Variants in RPF2 observed in about 807,000 individuals in gnomAD.
The protein encoded by RPF2 is brix domain containing 1.
In RPF2, 21 loss-of-function variants were observed where a neutral mutation model predicts 38.9. The observed-to-expected ratio is 0.54, with a 90% confidence interval of 0.38 to 0.78. RPF2 has a LOEUF of 0.78. RPF2 is among the 30% of genes least tolerant of loss of function. RPF2 has a pLI of 0.00. For synonymous variants in RPF2, 121 were observed against 126.2 expected (o/e 0.96, Z 0.28); for missense variants, 314 against 358.1 (o/e 0.88, Z 0.99).
chr6:110,992,555 G>A (rs1197275800), intron 4 of RPF2, among the ~76,000 whole-genome samples: 1 of 151,578 alleles, frequency 6.6e-6, no homozygotes, highest in Non-Finnish European at 1.5e-5. Flanking sequence ...TGGGACTACA[G>A]GTGTACACCA....
intron 3 of RPF2, among the ~76,000 whole-genome samples, chr6:110,989,279 G>A (rs1023646305): frequency 3.3e-5 from 5 of 151,554 alleles, no homozygotes; most frequent in Admixed American, 3.3e-4. Flanking sequence ...ATTTTATTTT[G>A]AAATACAGAT....
intron 4 of RPF2, among the ~76,000 whole-genome samples, chr6:110,994,950 GCT>G (rs1257894676): frequency 1.2e-4 from 18 of 152,058 alleles, no homozygotes; most frequent in Non-Finnish European, 7.4e-5. Context: ...TGTCACCCAG[GCT>G]TGAGTGCTAT....
intron 4 of RPF2, among the ~76,000 whole-genome samples, chr6:110,993,354 A>T (rs9386974): frequency 0.59 from 89,032 of 151,942 alleles, 28,081 homozygotes; most frequent in East Asian, 0.88. Context: ...TCTCAATGAT[A>T]AATTAGATTA....
intron 6 of RPF2, among the ~76,000 whole-genome samples, chr6:111,007,340 A>G (rs1418974224): frequency 6.6e-6 from 1 of 152,168 alleles, no homozygotes; most frequent in Non-Finnish European, 1.5e-5. Flanking sequence ...AAAGCCCTTT[A>G]CATCATTCTT....
intron 1 of RPF2, among the ~76,000 whole-genome samples, chr6:110,983,822 G>T (rs1339155098): frequency 6.6e-6 from 1 of 151,898 alleles, no homozygotes. Context: ...GAGGTCAGGA[G>T]ATCGAGACCA....
chr6:110,999,386 G>GA (rs1771774622), intron 5 of RPF2, among the ~76,000 whole-genome samples: 2 of 152,136 alleles, frequency 1.3e-5, no homozygotes, highest in South Asian at 4.1e-4. Context: ...AAATAGATTT[G>GA]AAAAAGAACC....
At chr6:110,989,109 C>A in intron 3 of RPF2, 44 bp downstream of exon 3, 2 of 1,471,130 alleles carry the variant, frequency 1.4e-6, no homozygotes, top group South Asian at 2.9e-5. Flanking sequence ...GATTTTGTTT[C>A]ATTATAAAAG....
intron 1 of RPF2, 95 bp downstream of exon 1, chr6:110,982,224 C>G: frequency 7.2e-7 from 1 of 1,398,552 alleles, no homozygotes; most frequent in Non-Finnish European, 1.0e-6. Context: ...TTCCTGGTTA[C>G]CCCTCTAATT....
chr6:111,008,456 G>A (rs1583269796), intron 7 of RPF2, among the ~76,000 whole-genome samples: 1 of 151,592 alleles, frequency 6.6e-6, no homozygotes, highest in Non-Finnish European at 1.5e-5. Flanking sequence ...TAAGTATCTC[G>A]GGAGAGTTAA....
chr6:110,983,133 T>C (rs1039356254), intron 1 of RPF2, among the ~76,000 whole-genome samples: 3 of 152,108 alleles, frequency 2.0e-5, no homozygotes, highest in African/African-American at 7.2e-5. Flanking sequence ...CATAATTATT[T>C]GGGAGGAAGA....
chr6:110,991,112 C>T (rs1048408721), intron 3 of RPF2, among the ~76,000 whole-genome samples: 1 of 152,062 alleles, frequency 6.6e-6, no homozygotes, highest in African/African-American at 2.4e-5. Context: ...TTGCATATAA[C>T]CCACACACTT....
At chr6:110,994,199 C>T (rs184434431) in intron 4 of RPF2, among the ~76,000 whole-genome samples, 3 of 151,898 alleles carry the variant, frequency 2.0e-5, no homozygotes, top group African/African-American at 4.8e-5. Context: ...CACTTGAACC[C>T]GGGAGGTGGA....
At chr6:111,014,385 GC>G (rs1419883639) in intron 7 of RPF2, among the ~76,000 whole-genome samples, 1 of 152,078 alleles carries the variant, frequency 6.6e-6, no homozygotes. Flanking sequence ...GCTCGCCTCG[GC>G]CTCCCAAAGT....
chr6:111,015,729 T>C, intron 7 of RPF2, 25 bp from the exon 8 acceptor site: 1 of 1,468,738 alleles, frequency 6.8e-7, no homozygotes. Flanking sequence ...TTTTGTTTTG[T>C]TAATAATTTA....
At chr6:110,990,498 C>T (rs1168269392) in intron 3 of RPF2, among the ~76,000 whole-genome samples, 1 of 147,670 alleles carries the variant, frequency 6.8e-6, no homozygotes, top group African/African-American at 2.5e-5. Flanking sequence ...ATATATTCTT[C>T]TGGATTATAA....
intron 7 of RPF2, among the ~76,000 whole-genome samples, chr6:111,014,467 A>C (rs1772073181): frequency 6.6e-6 from 1 of 152,138 alleles, no homozygotes; most frequent in African/African-American, 2.4e-5. Flanking sequence ...AGAAAGGAAA[A>C]GCAGACAACA....
intron 3 of RPF2, among the ~76,000 whole-genome samples, chr6:110,990,005 C>T (rs1480710077): frequency 6.6e-6 from 1 of 150,928 alleles, no homozygotes; most frequent in Non-Finnish European, 1.5e-5. Flanking sequence ...GTGGCATGAT[C>T]TAAGGTCACT....
At chr6:110,989,380 GATCAAAACTAATAA>G (rs1359218210) in intron 3 of RPF2, among the ~76,000 whole-genome samples, 1 of 152,138 alleles carries the variant, frequency 6.6e-6, no homozygotes, top group African/African-American at 2.4e-5. Flanking sequence ...GTAATGCAAT[GATCAAAACTAATAA>G]ATTAACACCG....
At chr6:111,003,093 T>C (rs1771841706) in intron 6 of RPF2, among the ~76,000 whole-genome samples, 1 of 140,756 alleles carries the variant, frequency 7.1e-6, no homozygotes, top group Non-Finnish European at 1.6e-5. Context: ...CCCCCCCTTT[T>C]TTTTTCTTTT....
Sources: allele counts gnomAD v4.1 joint callset (sites outside exome capture counted in the v4.1 genomes callset), GRCh38; gene constraint gnomAD v4.1.1; transcripts MANE v1.5; gene names NCBI Gene and HGNC (gene_info 2026-07-23, HGNC 2026-07-21).